The following PSD3 variants were observed in gnomAD, a reference collection of about 807,000 sequenced individuals.
The protein encoded by PSD3 is pleckstrin and Sec7 domain containing 3, also known as PH and SEC7 domain-containing protein 3.
In PSD3, 49 loss-of-function variants were observed where a neutral mutation model predicts 105.5. The observed-to-expected ratio is 0.46, with a 90% CI of 0.37 to 0.59. PSD3 has a LOEUF of 0.59. Among genes scored for constraint, PSD3 ranks in the 20% least tolerant of loss-of-function variants. The probability of loss-of-function intolerance (pLI) is 0.00; values close to 1 mark genes in which losing one functional copy is unlikely to be tolerated. For missense variants in PSD3, 1,561 were observed against 1,263.8 expected, an observed-to-expected ratio of 1.24 and a Z score of -3.57; for synonymous variants, 557 against 457.8, an observed-to-expected ratio of 1.22 and a Z score of -2.77.
At chr8:18,853,015 T>G (rs551477470) in intron 4 of PSD3, among the ~76,000 whole-genome samples, 1 of 152,232 alleles carries the variant, frequency 6.6e-6, no homozygotes, top group African/African-American at 2.4e-5. Flanking sequence ...GAGACCAAAC[T>G]GTAAGGAGTA....
intron 8 of PSD3, among the ~76,000 whole-genome samples, chr8:18,785,213 G>A (rs1392506451): frequency 6.6e-6 from 1 of 152,178 alleles, no homozygotes; most frequent in African/African-American, 2.4e-5. Context: ...TTGATTGGAA[G>A]TGTTTTATCA....
rs576448558 is a variant in PSD3 at position 18,568,848 on chromosome 8, C to T, written c.2784+3680G>A. On this transcript the variant is annotated intron_variant, in intron 14 of 15. Coordinates refer to ENST00000327040, the MANE Select transcript of PSD3 (RefSeq NM_015310.4). ...ATTAGGTATATCTCCCGATGCTATCCCTCCCCACTCCCCCGACCCCACAAC... is the reference window on the plus strand; with the variant it reads ...ATTAGGTATATCTCCCGATGCTATCTCTCCCCACTCCCCCGACCCCACAAC... 3.3e-5 allele frequency among the ~76,000 whole-genome samples: 5 copies of T among 151,310 alleles called. No individual in the cohort carries two copies. In the South Asian group the frequency reaches 1.1e-3, roughly 32 times the overall value.
intron 1 of PSD3, among the ~76,000 whole-genome samples, chr8:19,069,618 T>G (rs952273433): frequency 6.6e-6 from 1 of 152,200 alleles, no homozygotes; most frequent in African/African-American, 2.4e-5. Flanking sequence ...TACGATTTAG[T>G]GAGAACGTTT....
At chr8:19,049,339 A>G (rs140929486) in intron 1 of PSD3, among the ~76,000 whole-genome samples, 1,809 of 152,226 alleles carry the variant, frequency 0.012, 18 homozygotes, top group Non-Finnish European at 0.021. Flanking sequence ...TCTAAGCCAT[A>G]TGTTTGAATG....
intron 10 of PSD3, among the ~76,000 whole-genome samples, chr8:18,635,740 T>C (rs1276709550): frequency 6.6e-6 from 1 of 152,110 alleles, no homozygotes; most frequent in Non-Finnish European, 1.5e-5. Context: ...TGCAGGGACA[T>C]GGATGAAGCT....
chr8:18,828,044 TATGTATATATATATATATATA>T (rs1813352390), intron 4 of PSD3, among the ~76,000 whole-genome samples: 1 of 123,426 alleles, frequency 8.1e-6, no homozygotes, highest in Non-Finnish European at 1.6e-5. Context: ...ATAATATATA[TATGTATATATATATATATATA>T]TATTTTTTTT....
At chr8:18,955,466 T>C (rs114149746) in intron 1 of PSD3, among the ~76,000 whole-genome samples, 2,366 of 152,318 alleles carry the variant, frequency 0.016, 59 homozygotes, top group African/African-American at 0.054. Flanking sequence ...ACATATATAT[T>C]ACTTTCTTGG....
rs376107183 is a variant in PSD3 at position 18,968,798 on chromosome 8, C to A, written c.22-32656G>T. 1.7e-3 allele frequency among the ~76,000 whole-genome samples: 243 copies of A among 146,632 alleles called. 1 individual carries two copies. Among genetic ancestry groups the A allele is most frequent in the African/African-American group, 5.8e-3 (232 of 40,280 alleles). Reference sequence around the variant, plus strand: ...GGCTGAGGCAGAAGAATCGCTTGAACCCAGGAGGTGGAGGTTGCAGTGAGC... The same window carrying A: ...GGCTGAGGCAGAAGAATCGCTTGAAACCAGGAGGTGGAGGTTGCAGTGAGC... On this transcript the variant is annotated intron_variant, in intron 1 of 15. Transcript: ENST00000327040.
intron 9 of PSD3, among the ~76,000 whole-genome samples, chr8:18,751,121 G>T (rs1320337633): frequency 6.6e-6 from 1 of 152,158 alleles, no homozygotes; most frequent in Non-Finnish European, 1.5e-5. Context: ...GGCTCCGGCC[G>T]CACAGGAACC....
At chr8:18,942,786 C>A (rs951521604) in intron 1 of PSD3, among the ~76,000 whole-genome samples, 7 of 152,168 alleles carry the variant, frequency 4.6e-5, no homozygotes, top group Non-Finnish European at 8.8e-5. Flanking sequence ...AAATTAATTT[C>A]TGTTGTTTCA....
Position 18,620,595 on chromosome 8 carries a change from G to A in PSD3, c.2410+12018C>T, listed in dbSNP as rs541384506. The stretch of plus-strand genomic sequence containing the variant: ...GTGACAGCACATTCCTGTGGTCCCA[G>A]CTATTCAATAGGCTGAGGTAGGGGG... On this transcript the variant is annotated intron_variant, in intron 11 of 15. Transcript: ENST00000327040. Among the ~76,000 whole-genome samples the A allele has an allele frequency of 2.6e-5, 4 of 152,158 alleles. No homozygotes were observed. In the South Asian group the frequency reaches 8.3e-4, roughly 32 times the overall value.
chr8:19,071,205 G>A (rs942895641), intron 1 of PSD3, among the ~76,000 whole-genome samples: 2 of 152,036 alleles, frequency 1.3e-5, no homozygotes, highest in Admixed American at 6.6e-5. Context: ...GATTACAGGT[G>A]TGCACCACCA....
Position 18,865,249 on chromosome 8 carries a change from TATATATATATATATATATATATATATATA to T in PSD3, c.1634+2396_1634+2424del, listed in dbSNP as rs1816768752. On this transcript the variant is annotated intron_variant, in intron 4 of 15. Transcript: ENST00000327040. ...TTATATATATATATATATATATATA[TATATATATATATATATATATATATATATA>T]TATATATATTTTTTTTTTTTTTTTT... The T allele has an allele frequency of 8.9e-4, 3 of 3,360 alleles. 1 individual carries two copies. Among genetic ancestry groups the T allele is most frequent in the Non-Finnish European group, 1.3e-3 (2 of 1,590 alleles). The allele number at this position is 3,360 out of a possible 1,614,324, so 0.2% of individuals were successfully genotyped here.
chr8:18,695,201 T>A (rs1252362203), intron 9 of PSD3, among the ~76,000 whole-genome samples: 1 of 152,178 alleles, frequency 6.6e-6, no homozygotes, highest in African/African-American at 2.4e-5. Flanking sequence ...GTTACAGTAA[T>A]ATTGAGATCA....
At chr8:18,828,901 T>C (rs946644256) in intron 4 of PSD3, among the ~76,000 whole-genome samples, 1 of 151,996 alleles carries the variant, frequency 6.6e-6, no homozygotes, top group Non-Finnish European at 1.5e-5. Context: ...GAGTTCAAGA[T>C]CAGGCTGGCC....
intron 12 of PSD3, among the ~76,000 whole-genome samples, chr8:18,576,550 G>C (rs1230178722): frequency 6.6e-6 from 1 of 152,028 alleles, no homozygotes; most frequent in African/African-American, 2.4e-5. Context: ...TTTTAAATGA[G>C]ATTTTTCTCA....
intron 15 of PSD3, among the ~76,000 whole-genome samples, chr8:18,543,804 G>A (rs1218473109): frequency 6.6e-6 from 1 of 152,082 alleles, no homozygotes; most frequent in Non-Finnish European, 1.5e-5. Flanking sequence ...GATATTCTTT[G>A]AAAAGTAGTT....
At chr8:19,061,582 C>A (rs1021553920) in intron 1 of PSD3, among the ~76,000 whole-genome samples, 1 of 151,808 alleles carries the variant, frequency 6.6e-6, no homozygotes, top group African/African-American at 2.4e-5. Flanking sequence ...CCAAGGTGGG[C>A]GGATCAAGAG....
intron 12 of PSD3, among the ~76,000 whole-genome samples, chr8:18,578,632 C>G (rs1370797721): frequency 6.6e-6 from 1 of 151,878 alleles, no homozygotes; most frequent in East Asian, 1.9e-4. Context: ...TAGACTGTCT[C>G]ATTTGGAGCC....
Sources: gnomAD v4.1 joint callset for allele counts (sites outside exome capture counted in the v4.1 genomes callset) on GRCh38, gnomAD v4.1.1 for gene constraint, MANE v1.5 for transcripts, NCBI Gene and HGNC (gene_info 2026-07-23, HGNC 2026-07-21) for gene names.